VAMP7: variants seen among roughly 807,000 people sequenced by gnomAD.
VAMP7 encodes vesicle-associated membrane protein 7.
VAMP7 carries 14 observed loss-of-function variants against 29.6 expected under a neutral mutation model. That is an observed-to-expected ratio of 0.47 (90% CI 0.31 to 0.74). The LOEUF (loss-of-function observed/expected upper bound fraction) is 0.74, where lower values mean the gene tolerates loss of function less well. Among genes scored for constraint, VAMP7 ranks in the 30% least tolerant of loss-of-function variants. VAMP7 has a pLI of 0.05. For synonymous variants in VAMP7, 95 were observed against 88.1 expected, an observed-to-expected ratio of 1.08 and a Z score of -0.44; for missense variants, 223 against 262.4, an observed-to-expected ratio of 0.85 and a Z score of 1.04.
chrX:155,909,803 T>C (rs749894187), intron 5 of VAMP7, among the ~76,000 whole-genome samples: 3 of 152,312 alleles, frequency 2.0e-5, no homozygotes, highest in South Asian at 4.2e-4. Context: ...AGCTGTCTAG[T>C]GTCTTTTATT....
chrX:155,934,443 AC>A (rs1361924416), intron 6 of VAMP7, among the ~76,000 whole-genome samples: 5 of 152,060 alleles, frequency 3.3e-5, no homozygotes, highest in African/African-American at 9.7e-5. Context: ...TGATCCCTTT[AC>A]CATTATGTAA....
At position 155,895,719 on chromosome X, in the gene VAMP7, T is replaced by C. The variant is rs192209184; in HGVS notation, c.204+39T>C. ...AGACATATTGCTATTTAACTATGTGTACTGTTAATACAGCCAGTTCTTAAT... is the reference window on the plus strand; with the variant it reads ...AGACATATTGCTATTTAACTATGTGCACTGTTAATACAGCCAGTTCTTAAT... On this transcript the variant is annotated intron_variant, in intron 3 of 7. Transcript: ENST00000286448. 1.7e-4 allele frequency: 263 copies of C among 1,550,086 alleles called. 3 individuals carry two copies. In the East Asian group the frequency reaches 5.8e-3, roughly 34 times the overall value.
chrX:155,887,906 G>C (rs2065883541), intron 1 of VAMP7, among the ~76,000 whole-genome samples: 1 of 150,846 alleles, frequency 6.6e-6, no homozygotes, highest in African/African-American at 2.4e-5. Context: ...ACTCTAGCCT[G>C]GAGCTTGGGT....
chrX:155,934,997 A>C (rs936871913), intron 6 of VAMP7, among the ~76,000 whole-genome samples: 2 of 152,096 alleles, frequency 1.3e-5, no homozygotes, highest in Non-Finnish European at 2.9e-5. Context: ...TGGGTTGAAA[A>C]TTCTTTTCTT....
chrX:155,927,553 C>T (rs1427341080), intron 6 of VAMP7, among the ~76,000 whole-genome samples: 1 of 148,110 alleles, frequency 6.8e-6, no homozygotes, highest in Non-Finnish European at 1.5e-5. Context: ...GGGGATATGC[C>T]TGTAATTCTT....
At chrX:155,903,733 T>C (rs183033327) in intron 5 of VAMP7, among the ~76,000 whole-genome samples, 1,559 of 152,142 alleles carry the variant, frequency 0.01, 25 homozygotes, top group African/African-American at 0.035. Context: ...TGTGGAGAAA[T>C]AGGAACACTT....
chrX:155,939,130 TGTTG>T (rs2066706368), intron 6 of VAMP7, among the ~76,000 whole-genome samples: 1 of 152,062 alleles, frequency 6.6e-6, no homozygotes, highest in African/African-American at 2.4e-5. Flanking sequence ...TAGGGAGTTT[TGTTG>T]GTTGGTTGTT....
intron 6 of VAMP7, among the ~76,000 whole-genome samples, chrX:155,934,032 A>C (rs2066608247): frequency 6.6e-6 from 1 of 152,156 alleles, no homozygotes; most frequent in South Asian, 2.1e-4. Context: ...CTTAATCTTG[A>C]GTTCTAATTT....
chrX:155,890,345 G>C (rs192186960), intron 2 of VAMP7, among the ~76,000 whole-genome samples: 15 of 151,234 alleles, frequency 9.9e-5, no homozygotes, highest in Non-Finnish European at 1.3e-4. Context: ...ACAGAGTCAG[G>C]TTTGTTTTAT....
intron 6 of VAMP7, among the ~76,000 whole-genome samples, chrX:155,920,526 C>A (rs1206608225): frequency 6.6e-6 from 1 of 152,176 alleles, no homozygotes; most frequent in Non-Finnish European, 1.5e-5. Context: ...ATGTACAGTG[C>A]AGGTTTACAC....
chrX:155,941,753 C>A (rs1446679693), intron 7 of VAMP7, 130 bp from the exon 8 acceptor site: 1 of 1,116,912 alleles, frequency 9.0e-7, no homozygotes, highest in African/African-American at 1.6e-5. Context: ...TTAGTGTGTT[C>A]CATTACTACA....
chrX:155,927,662 C>G (rs1345748727), intron 6 of VAMP7, among the ~76,000 whole-genome samples: 1 of 151,188 alleles, frequency 6.6e-6, no homozygotes, highest in Non-Finnish European at 1.5e-5. Context: ...TAATGTTGAT[C>G]TACTGATGAG....
chrX:155,896,087 G>A (rs2065983789), intron 3 of VAMP7, among the ~76,000 whole-genome samples: 1 of 152,142 alleles, frequency 6.6e-6, no homozygotes, highest in Non-Finnish European at 1.5e-5. Context: ...GGGGACTGCT[G>A]ATCTGTACCT....
At position 155,889,508 on chromosome X, in the gene VAMP7, C is replaced by A. The variant is rs1332507036; in HGVS notation, c.42C>A (p.Ile14=). Residue 14 remains isoleucine (I), a synonymous_variant, in exon 2 of 8, where the codon ATC becomes ATA. Transcript: ENST00000286448. ...LFAVVARGTT[I]LAKHAWCGGN... is the part of the protein sequence containing the mutation. ...CTGTTGTTGCCAGGGGGACCACTAT[C>A]CTTGCCAAACATGCTTGGTGTGGAG... 6.2e-7 allele frequency: 1 copy of A among 1,613,898 alleles called. No individual in the cohort carries two copies. The highest frequency in any genetic ancestry group is 8.5e-7 in the Non-Finnish European group (1 of 1,179,832).
rs754789599 is a variant in VAMP7, at chrX:155,898,277, T to G, written c.342+28T>G. 20 of 1,608,580 alleles carry G rather than the reference T, an allele frequency of 1.2e-5. No homozygotes were observed. The East Asian group carries it at 4.5e-4, about 36-fold the overall frequency. The stretch of plus-strand genomic sequence containing the variant: ...AAGATCTTTCTCAGGATAAGGTATT[T>G]TGATTTATATCTTCTTCATTACCTT... On this transcript the variant is annotated intron_variant, in intron 4 of 7. Transcript: ENST00000286448.
chrX:155,931,310 A>T (rs1255889808), intron 6 of VAMP7, among the ~76,000 whole-genome samples: 8 of 152,192 alleles, frequency 5.3e-5, no homozygotes, highest in Non-Finnish European at 1.2e-4. Flanking sequence ...TGGTTGAACT[A>T]GTTTACAGTC....
rs192273785 is a variant in VAMP7 at position 155,920,463 on chromosome X, A to G, written c.501+583A>G. ...GAAAGATGACAGATATATGGTGAAC[A>G]GAAGGAGGGCAGAGATCAGCTACAA... On this transcript the variant is annotated intron_variant, in intron 6 of 7. Coordinates refer to ENST00000286448, the MANE Select transcript of VAMP7 (RefSeq NM_005638.6). Among the ~76,000 whole-genome samples, 228 of 152,310 alleles carry G rather than the reference A, an allele frequency of 1.5e-3. 2 individuals are homozygous for G. The Middle Eastern group carries it at 0.024, about 16-fold the overall frequency.
intron 1 of VAMP7, among the ~76,000 whole-genome samples, chrX:155,883,591 C>T (rs370049195): frequency 2.0e-5 from 3 of 152,184 alleles, no homozygotes; most frequent in Admixed American, 6.5e-5. Context: ...TTTGCATTGA[C>T]TATCACCATG....
chrX:155,925,729 G>T (rs575049994), intron 6 of VAMP7, among the ~76,000 whole-genome samples: 1 of 152,284 alleles, frequency 6.6e-6, no homozygotes, highest in African/African-American at 2.4e-5. Context: ...TTTCTGATGA[G>T]CCTCTCCAAA....
Sources: allele counts gnomAD v4.1 joint callset (sites outside exome capture counted in the v4.1 genomes callset), GRCh38; gene constraint gnomAD v4.1.1; transcripts MANE v1.5; gene names NCBI Gene and HGNC (gene_info 2026-07-23, HGNC 2026-07-21).